Variants in G2E3 observed in about 807,000 individuals in gnomAD.
G2E3 encodes the protein G2/M-phase specific E3 ubiquitin protein ligase, also known as G2/M phase-specific E3 ubiquitin-protein ligase.
Under a neutral mutation model 92.8 loss-of-function variants are expected in G2E3, and 35 were observed. The observed-to-expected ratio is 0.38, with a 90% confidence interval of 0.29 to 0.50. G2E3 has a LOEUF of 0.50. G2E3 is among the 20% of genes least tolerant of loss of function. The probability of loss-of-function intolerance (pLI) is 0.94; values close to 1 mark genes in which losing one functional copy is unlikely to be tolerated. For synonymous variants in G2E3, 242 were observed against 272.4 expected, an observed-to-expected ratio of 0.89 and a Z score of 1.10; for missense variants, 554 against 823.8, an observed-to-expected ratio of 0.67 and a Z score of 4.01.
At chr14:30,612,676 G>A (rs569720296) in intron 13 of G2E3, among the ~76,000 whole-genome samples, 132 of 152,126 alleles carry the variant, frequency 8.7e-4, no homozygotes, top group African/African-American at 2.5e-3. Flanking sequence ...TGACCAACAT[G>A]GTGAAACCCC....
chr14:30,569,762 A>G (rs552691486), intron 1 of G2E3, among the ~76,000 whole-genome samples: 1 of 152,136 alleles, frequency 6.6e-6, no homozygotes, highest in Admixed American at 6.5e-5. Flanking sequence ...TATATTACTT[A>G]CTATCTGATA....
In G2E3 at chr14:30,619,594, T is replaced by A. The variant is rs1157447351; in HGVS notation, c.*3060T>A. On this transcript the variant is annotated 3_prime_UTR_variant, in exon 15 of 15. Coordinates refer to ENST00000206595, the MANE Select transcript of G2E3 (RefSeq NM_017769.5). ...TAATGATGAATTACTTGAATGTATA[T>A]TATCTGTGGTTTAGGAAAATTTGGA... 6.6e-6 allele frequency: 1 copy of A among 152,164 alleles called. No homozygotes were observed. The highest frequency in any genetic ancestry group is 1.5e-5 in the Non-Finnish European group (1 of 67,984). The allele number at this position is 152,164 out of a possible 1,614,324, so 9.4% of individuals were successfully genotyped here. A position where few individuals can be genotyped will look rare whatever the true frequency, so the allele number is the denominator to read the frequency against.
In G2E3 at chr14:30,598,332, A is replaced by T. The variant is rs1594497727; in HGVS notation, c.636-151A>T. ...AACCCGGCAGGCGGAGGTTGCAGTG[A>T]CCTGAGATTGCACCACTGTACTCCA... On this transcript the variant is annotated intron_variant, in intron 7 of 14. Coordinates refer to ENST00000206595, the MANE Select transcript of G2E3 (RefSeq NM_017769.5). 4.8e-5 allele frequency: 26 copies of T among 538,488 alleles called. No homozygotes were observed. In the East Asian group the frequency reaches 8.5e-4, roughly 18 times the overall value. The allele number at this position is 538,488 out of a possible 1,614,324, so 33.4% of individuals were successfully genotyped here.
At chr14:30,597,585 C>T in intron 7 of G2E3, 59 bp downstream of exon 7, 1 of 907,872 alleles carries the variant, frequency 1.1e-6, no homozygotes, top group Non-Finnish European at 1.8e-6. Context: ...GATTTAATAG[C>T]AATGGAAATG....
intron 10 of G2E3, among the ~76,000 whole-genome samples, chr14:30,603,608 A>G (rs983931737): frequency 6.6e-6 from 1 of 152,154 alleles, no homozygotes; most frequent in African/African-American, 2.4e-5. Flanking sequence ...TTGGGAGGCT[A>G]AGGTGGGAGG....
intron 6 of G2E3, among the ~76,000 whole-genome samples, chr14:30,596,690 G>A (rs1881308596): frequency 6.6e-6 from 1 of 152,096 alleles, no homozygotes; most frequent in African/African-American, 2.4e-5. Flanking sequence ...CTTTTACACA[G>A]TATTGTAGTT....
chr14:30,604,910 T>TCA (rs201063340), intron 10 of G2E3, among the ~76,000 whole-genome samples: 1 of 149,476 alleles, frequency 6.7e-6, no homozygotes, highest in African/African-American at 2.5e-5. Context: ...ATTCATTCAT[T>TCA]TATGAGACGG....
At chr14:30,571,964 TG>T (rs1417063868) in intron 1 of G2E3, among the ~76,000 whole-genome samples, 2 of 150,732 alleles carry the variant, frequency 1.3e-5, no homozygotes, top group African/African-American at 4.9e-5. Context: ...AAAAACCTGC[TG>T]GGGATTTTGG....
intron 1 of G2E3, among the ~76,000 whole-genome samples, chr14:30,565,650 CTTTTTTTTTTT>C (rs537643569): frequency 0.015 from 925 of 62,212 alleles, 9 homozygotes; most frequent in Middle Eastern, 0.064. Context: ...AACTTCATTC[CTTTTTTTTTTT>C]TTTTTTTTTT....
At position 30,559,272 on chromosome 14, in the gene G2E3, G is replaced by C. The variant is rs1474357792; in HGVS notation, c.-5G>C. 1 of 152,340 alleles carries C rather than the reference G, an allele frequency of 6.6e-6. No individual in the cohort carries two copies. The highest frequency in any genetic ancestry group is 1.5e-5 in the Non-Finnish European group (1 of 68,116). The allele number at this position is 152,340 out of a possible 1,614,324, so 9.4% of individuals were successfully genotyped here. ...CTGGAACTTCTGCCCAGCTCTCCTT[G>C]GTGAGTAAATGGGGAACGGGAAGAC... On this transcript the variant is annotated splice_region_variant and 5_prime_UTR_variant, in exon 1 of 15. Coordinates refer to ENST00000206595, the MANE Select transcript of G2E3 (RefSeq NM_017769.5).
At position 30,559,238 on chromosome 14, in the gene G2E3, A is replaced by C. The variant is rs1415594559; in HGVS notation, c.-39A>C. On this transcript the variant is annotated 5_prime_UTR_variant, in exon 1 of 15. Transcript: ENST00000206595. ...CGTACAGCGGGCCGGGAAAAGTGGC[A>C]CTGAGGCTCTGGAACTTCTGCCCAG... is the stretch of plus-strand genomic sequence containing the variant. 6.6e-6 allele frequency: 1 copy of C among 152,638 alleles called. No individual in the cohort carries two copies. Among genetic ancestry groups the C allele is most frequent in the Non-Finnish European group, 1.5e-5 (1 of 68,360 alleles). The allele number at this position is 152,638 out of a possible 1,614,324, so 9.5% of individuals were successfully genotyped here. A position where few individuals can be genotyped will look rare whatever the true frequency, so the allele number is the denominator to read the frequency against.
chr14:30,614,104 GA>G, intron 13 of G2E3, among the ~76,000 whole-genome samples: 1 of 151,858 alleles, frequency 6.6e-6, no homozygotes, highest in East Asian at 1.9e-4. Context: ...AGAATATATT[GA>G]AAGTATATAC....
chr14:30,574,482 C>G (rs1721963651), intron 1 of G2E3: 1 of 149,660 alleles, frequency 6.7e-6, no homozygotes, highest in African/African-American at 2.5e-5. Context: ...AGGTAAACAA[C>G]ATGTCATGGG....
intron 6 of G2E3, among the ~76,000 whole-genome samples, chr14:30,596,155 T>G (rs867858361): frequency 7.1e-6 from 1 of 141,528 alleles, no homozygotes; most frequent in African/African-American, 2.6e-5. Flanking sequence ...TGTGTGTGTG[T>G]GTGTGTGTGT....
intron 6 of G2E3, among the ~76,000 whole-genome samples, chr14:30,595,165 T>C (rs1297791789): frequency 1.3e-5 from 2 of 152,038 alleles, no homozygotes; most frequent in Non-Finnish European, 2.9e-5. Context: ...GAAGCCTGTT[T>C]TGTTGGGGAA....
chr14:30,612,805 T>C (rs1395821818), intron 13 of G2E3, among the ~76,000 whole-genome samples: 5 of 152,062 alleles, frequency 3.3e-5, no homozygotes, highest in African/African-American at 9.7e-5. Flanking sequence ...TGCAGTGAGC[T>C]AAGATCATGC....
rs557085322 is a variant in G2E3, at chr14:30,565,981, GCTGT to G, written c.-5+6713_-5+6716del. Among the ~76,000 whole-genome samples the G allele has an allele frequency of 4.7e-3, 721 of 152,094 alleles. 8 individuals carry two copies. Among genetic ancestry groups the G allele is most frequent in the African/African-American group, 0.016 (666 of 41,500 alleles). On this transcript the variant is annotated intron_variant, in intron 1 of 14. Transcript: ENST00000206595. Reference sequence around the variant, plus strand: ...GGCCAACTTCATTCTTATTTACATGGCTGTCTGGTCGTCCCAGGACCATTTGTCG... The same window carrying G: ...GGCCAACTTCATTCTTATTTACATGGCTGGTCGTCCCAGGACCATTTGTCG...
chr14:30,573,620 T>C (rs1879906344), intron 1 of G2E3: 1 of 152,036 alleles, frequency 6.6e-6, no homozygotes, highest in Admixed American at 6.6e-5. Flanking sequence ...TAGGTTCCAG[T>C]CCGGATCTGA....
intron 7 of G2E3, 67 bp from the exon 8 acceptor site, chr14:30,598,416 T>G (rs1881394286): frequency 9.4e-7 from 1 of 1,067,684 alleles, no homozygotes; most frequent in African/African-American, 1.6e-5. Context: ...TATTTTTAGA[T>G]TCATTCCTGA....
Sources: gnomAD v4.1 joint callset for allele counts (sites outside exome capture counted in the v4.1 genomes callset) on GRCh38, gnomAD v4.1.1 for gene constraint, MANE v1.5 for transcripts, NCBI Gene and HGNC (gene_info 2026-07-23, HGNC 2026-07-21) for gene names.